The following TLN2 variants were observed in gnomAD, a reference collection of about 807,000 sequenced individuals.
The protein encoded by TLN2 is talin-2.
TLN2 carries 118 observed loss-of-function variants against 294.7 expected under a neutral mutation model. The observed-to-expected ratio is 0.40, with a 90% CI of 0.34 to 0.47. The LOEUF (loss-of-function observed/expected upper bound fraction) is 0.47, where lower values mean the gene tolerates loss of function less well. Ranked by LOEUF, TLN2 falls within the 20% of genes least tolerant of loss-of-function variation. The pLI, the probability that TLN2 is intolerant of heterozygous loss-of-function variation, is 0.84. For missense variants in TLN2, 3,083 were observed against 3,282.2 expected (o/e 0.94, Z 1.48); for synonymous variants, 1,431 against 1,304.5 (o/e 1.10, Z -2.09).
rs370114364 is a variant in TLN2, at chr15:62,655,878, G to C, written c.518-66G>C. 1.9e-6 allele frequency: 3 copies of C among 1,578,044 alleles called. No individual in the cohort carries two copies. The African/African-American group carries it at 4.1e-5, about 21-fold the overall frequency. ...GAAATCTGCATCACACTGCTCTTTT[G>C]GTAAATTCCCTTTAATTAACAGGAA... On this transcript the variant is annotated intron_variant, in intron 7 of 58. Coordinates refer to ENST00000636159, the MANE Select transcript of TLN2 (RefSeq NM_015059.3).
At chr15:62,491,347 T>TACACACAC (rs1345830691) in intron 1 of TLN2, among the ~76,000 whole-genome samples, 3 of 82,290 alleles carry the variant, frequency 3.6e-5, no homozygotes, top group Admixed American at 1.4e-4. Flanking sequence ...AATATATATA[T>TACACACAC]ATATACACAC....
intron 8 of TLN2, among the ~76,000 whole-genome samples, chr15:62,656,631 C>T (rs1212255343): frequency 6.6e-6 from 1 of 152,138 alleles, no homozygotes; most frequent in Non-Finnish European, 1.5e-5. Context: ...AAACATCATC[C>T]ATCTTTGTCC....
chr15:62,613,894 A>G (rs2048108875), intron 2 of TLN2, among the ~76,000 whole-genome samples: 3 of 152,152 alleles, frequency 2.0e-5, no homozygotes, highest in Non-Finnish European at 4.4e-5. Context: ...GTTCCTTTTA[A>G]ATAAAATTCT....
chr15:62,543,489 G>A (rs998620028), intron 1 of TLN2, among the ~76,000 whole-genome samples: 8 of 151,976 alleles, frequency 5.3e-5, no homozygotes, highest in African/African-American at 1.9e-4. Flanking sequence ...CAGACGCGCT[G>A]GCTCACGCCT....
At chr15:62,727,335 G>C in intron 28 of TLN2, 146 bp downstream of exon 28, 1 of 699,924 alleles carries the variant, frequency 1.4e-6, no homozygotes, top group South Asian at 2.1e-5. Context: ...CCATGTGCTT[G>C]TTACCGGGCT....
chr15:62,796,030 T>C (rs1270879817), intron 46 of TLN2, 97 bp from the exon 47 acceptor site: 1 of 1,472,092 alleles, frequency 6.8e-7, no homozygotes, highest in African/African-American at 1.4e-5. Context: ...CTAAGCTACA[T>C]CAACTCCTAG....
At chr15:62,656,982 G>A (rs1014312734) in intron 8 of TLN2, among the ~76,000 whole-genome samples, 3 of 152,240 alleles carry the variant, frequency 2.0e-5, no homozygotes, top group South Asian at 2.1e-4. Context: ...GTTAGTGGAC[G>A]GAAGGATGGC....
chr15:62,499,797 T>G (rs758807026), intron 1 of TLN2, among the ~76,000 whole-genome samples: 5 of 151,876 alleles, frequency 3.3e-5, no homozygotes, highest in Non-Finnish European at 5.9e-5. Flanking sequence ...GAGACGGAGT[T>G]TCTCCATGTA....
At chr15:62,391,594 C>T (rs1354711638) in intron 1 of TLN2, among the ~76,000 whole-genome samples, 3 of 152,342 alleles carry the variant, frequency 2.0e-5, no homozygotes, top group East Asian at 1.9e-4. Context: ...GGGGAGAGCC[C>T]CGCGCCCCAG....
intron 3 of TLN2, among the ~76,000 whole-genome samples, chr15:62,626,616 A>G (rs1490895993): frequency 6.6e-6 from 1 of 152,178 alleles, no homozygotes; most frequent in Non-Finnish European, 1.5e-5. Flanking sequence ...AAGGATGTGC[A>G]CCTAGACATG....
At chr15:62,741,475 A>T (rs2061315726) in intron 32 of TLN2, among the ~76,000 whole-genome samples, 1 of 152,174 alleles carries the variant, frequency 6.6e-6, no homozygotes, top group Non-Finnish European at 1.5e-5. Flanking sequence ...GTGACAGCCC[A>T]GGGGGTTCTC....
chr15:62,539,201 T>C (rs2041532542), intron 1 of TLN2, among the ~76,000 whole-genome samples: 1 of 152,230 alleles, frequency 6.6e-6, no homozygotes, highest in Admixed American at 6.5e-5. Flanking sequence ...GAGGCAGTGC[T>C]GATAGAATTG....
In TLN2 at chr15:62,759,326, A is replaced by G. The variant is rs1307068258; in HGVS notation, c.4639-2355A>G. ...CCTTTTTGAGAATGGAAAATGATTGATATGGCTTGCTATTCTAGTTCATGT... is the reference window on the plus strand; with the variant it reads ...CCTTTTTGAGAATGGAAAATGATTGGTATGGCTTGCTATTCTAGTTCATGT... On this transcript the variant is annotated intron_variant, in intron 37 of 58. Coordinates refer to ENST00000636159, the MANE Select transcript of TLN2 (RefSeq NM_015059.3). Among the ~76,000 whole-genome samples the G allele has an allele frequency of 2.0e-5, 3 of 152,210 alleles. No homozygotes were observed. In the South Asian group the frequency reaches 6.2e-4, roughly 31 times the overall value.
chr15:62,776,753 T>TCC lies in TLN2; in HGVS notation c.5368-9_5368-8dup, dbSNP rs757643336. The TCC allele has an allele frequency of 2.7e-6, 4 of 1,500,736 alleles. No homozygotes were observed. The African/African-American group carries it at 5.7e-5, about 21-fold the overall frequency. 93.0% of individuals were successfully genotyped at this position (1,500,736 alleles called of 1,614,324 possible). A position where few individuals can be genotyped will look rare whatever the true frequency, so the allele number is the denominator to read the frequency against. ...TCTGCTTAAGGAAATGTTTCACAAT[T>TCC]CCCTTCTCAGGCACAACACACCCAT... On this transcript the variant is annotated splice_polypyrimidine_tract_variant and intron_variant, in intron 42 of 58. Coordinates refer to ENST00000636159, the MANE Select transcript of TLN2 (RefSeq NM_015059.3).
chr15:62,834,187 T>C (rs929584374), intron 55 of TLN2: 5 of 150,800 alleles, frequency 3.3e-5, no homozygotes, highest in African/African-American at 1.2e-4. Flanking sequence ...TTTTTGTTTT[T>C]TTTGAGGATT....
chr15:62,669,988 G>A (rs1373300721), intron 9 of TLN2, among the ~76,000 whole-genome samples: 1 of 152,180 alleles, frequency 6.6e-6, no homozygotes, highest in African/African-American at 2.4e-5. Flanking sequence ...GACTGCATAG[G>A]AGGCAGATTC....
intron 1 of TLN2, among the ~76,000 whole-genome samples, chr15:62,500,542 G>T (rs936476408): frequency 6.6e-6 from 1 of 152,218 alleles, no homozygotes; most frequent in Non-Finnish European, 1.5e-5. Context: ...GATGGGTCAG[G>T]CAGAGTCTAA....
In TLN2 at chr15:62,643,405, A is replaced by AT. The variant is rs571288380; in HGVS notation, c.-36-3835dup. 7.6e-3 allele frequency among the ~76,000 whole-genome samples: 690 copies of AT among 90,582 alleles called. 2 individuals carry two copies. Among genetic ancestry groups the AT allele is most frequent in the African/African-American group, 0.012 (220 of 18,630 alleles). The allele number at this position is 90,582 out of a possible 152,430, so 59.4% of individuals were successfully genotyped here. ...TAAGAATGATTAGTTTGGTTCCAGG[A>AT]TTTTTTTTTTTTTTTTTTTTTTTTT... On this transcript the variant is annotated intron_variant, in intron 3 of 58. Coordinates refer to ENST00000636159, the MANE Select transcript of TLN2 (RefSeq NM_015059.3).
intron 1 of TLN2, among the ~76,000 whole-genome samples, chr15:62,551,585 G>A (rs1282955003): frequency 1.3e-5 from 2 of 151,800 alleles, no homozygotes; most frequent in South Asian, 4.2e-4. Flanking sequence ...TGTAATCCCA[G>A]CTACTCGGGA....
Sources: allele counts gnomAD v4.1 joint callset (sites outside exome capture counted in the v4.1 genomes callset), GRCh38; gene constraint gnomAD v4.1.1; transcripts MANE v1.5; gene names NCBI Gene and HGNC (gene_info 2026-07-23, HGNC 2026-07-21).